The following MALRD1 variants were observed in gnomAD, a reference collection of about 807,000 sequenced individuals.
The protein encoded by MALRD1 is MAM and LDL-receptor class A domain-containing protein 1.
Under a neutral mutation model 242.1 loss-of-function variants are expected in MALRD1, and 247 were observed. That is an observed-to-expected ratio of 1.02 (90% CI 0.92 to 1.13). The LOEUF is 1.13. MALRD1 is among the 50% of genes most tolerant of loss of function. MALRD1 has a pLI of 0.00. For synonymous variants in MALRD1, 995 were observed against 866.6 expected (o/e 1.15, Z -2.60); for missense variants, 2,989 against 2,533.1 (o/e 1.18, Z -3.86).
At chr10:19,524,939 T>G (rs1297536782) in intron 31 of MALRD1, among the ~76,000 whole-genome samples, 4 of 152,016 alleles carry the variant, frequency 2.6e-5, no homozygotes, top group Non-Finnish European at 1.5e-5. Context: ...GTTTTGCTCT[T>G]GTTATCCAGG....
rs948421466 is a variant in MALRD1, at chr10:19,685,213, C to A, written c.6138-7069C>A. ...ATTCATGAAGCAATTTTTTCATGCT[C>A]TCTTTAAGAACTTTTCTTTATCTTT... On this transcript the variant is annotated intron_variant, in intron 36 of 39. Coordinates refer to ENST00000454679, the MANE Select transcript of MALRD1 (RefSeq NM_001142308.3). 1.6e-4 allele frequency among the ~76,000 whole-genome samples: 25 copies of A among 152,226 alleles called. 1 individual carries two copies. Among genetic ancestry groups the A allele is most frequent in the African/African-American group, 5.5e-4 (23 of 41,546 alleles).
intron 28 of MALRD1, among the ~76,000 whole-genome samples, chr10:19,433,397 G>C (rs2261305): frequency 0.51 from 77,063 of 152,020 alleles, 21,014 homozygotes; most frequent in Non-Finnish European, 0.61. Flanking sequence ...GAAAGGGAAT[G>C]TGTGACTGGA....
At chr10:19,148,786 A>ATATATATATATATATATATATATATATAT (rs1220802758) in intron 11 of MALRD1, among the ~76,000 whole-genome samples, 3 of 68,190 alleles carry the variant, frequency 4.4e-5, no homozygotes, top group Non-Finnish European at 1.1e-4. Context: ...AAAAAAAAAA[A>ATATATATATATATATATATATATATATAT]AAATATATAT....
chr10:19,234,076 A>C (rs934014420), intron 18 of MALRD1, among the ~76,000 whole-genome samples: 1 of 152,100 alleles, frequency 6.6e-6, no homozygotes, highest in Non-Finnish European at 1.5e-5. Flanking sequence ...AAATAGTATC[A>C]AGACAGGAGT....
At chr10:19,720,690 T>A (rs1327643261) in intron 38 of MALRD1, among the ~76,000 whole-genome samples, 4 of 152,176 alleles carry the variant, frequency 2.6e-5, no homozygotes, top group Non-Finnish European at 4.4e-5. Flanking sequence ...TTGTTTTATG[T>A]TCTTTTACTG....
At chr10:19,378,118 T>C (rs983282500) in intron 26 of MALRD1, among the ~76,000 whole-genome samples, 3 of 152,288 alleles carry the variant, frequency 2.0e-5, no homozygotes, top group Non-Finnish European at 2.9e-5. Flanking sequence ...TACTCTAAAC[T>C]TGACACTTCT....
intron 38 of MALRD1, among the ~76,000 whole-genome samples, chr10:19,728,770 A>T (rs2131933896): frequency 6.6e-6 from 1 of 152,286 alleles, no homozygotes; most frequent in Middle Eastern, 3.4e-3. Context: ...ATGCATTTCA[A>T]AACTACACTT....
intron 28 of MALRD1, among the ~76,000 whole-genome samples, chr10:19,431,440 A>C (rs1326944257): frequency 6.6e-6 from 1 of 152,182 alleles, no homozygotes; most frequent in African/African-American, 2.4e-5. Context: ...CAATTTATTC[A>C]AGCAGAAAAT....
chr10:19,333,442 C>T (rs1378864080), intron 24 of MALRD1, among the ~76,000 whole-genome samples: 3 of 152,122 alleles, frequency 2.0e-5, no homozygotes, highest in Admixed American at 2.0e-4. Context: ...ATTATGGCCT[C>T]CACCTGTGTC....
intron 2 of MALRD1, among the ~76,000 whole-genome samples, chr10:19,067,790 G>T (rs1368764865): frequency 6.6e-6 from 1 of 152,046 alleles, no homozygotes; most frequent in Non-Finnish European, 1.5e-5. Context: ...TGTTGATGGA[G>T]CTTATAGAAA....
chr10:19,312,610 T>C (rs560563234), intron 21 of MALRD1, among the ~76,000 whole-genome samples: 6 of 151,270 alleles, frequency 4.0e-5, no homozygotes, highest in African/African-American at 1.2e-4. Context: ...CAGACCCTGA[T>C]AATATTGAAG....
chr10:19,373,218 A>T (rs1482415828), intron 26 of MALRD1, among the ~76,000 whole-genome samples: 7 of 141,668 alleles, frequency 4.9e-5, no homozygotes, highest in Non-Finnish European at 9.2e-5. Context: ...AAAAAAAAAA[A>T]AATAAGGGGC....
chr10:19,732,641 G>T (rs947172120), intron 39 of MALRD1, among the ~76,000 whole-genome samples: 7 of 152,234 alleles, frequency 4.6e-5, no homozygotes, highest in Non-Finnish European at 1.0e-4. Context: ...AGGAATTAAA[G>T]TGAGATCTTT....
chr10:19,454,419 T>TATATATATATATATAG (rs1461259582), intron 29 of MALRD1, among the ~76,000 whole-genome samples: 1 of 139,582 alleles, frequency 7.2e-6, no homozygotes, highest in Non-Finnish European at 1.5e-5. Flanking sequence ...TATATATATA[T>TATATATATATATATAG]ATATATATAT....
intron 5 of MALRD1, among the ~76,000 whole-genome samples, chr10:19,115,425 A>G (rs1836837269): frequency 6.6e-6 from 1 of 152,114 alleles, no homozygotes; most frequent in Non-Finnish European, 1.5e-5. Flanking sequence ...GTTAAAATAA[A>G]AGCTTTTTTT....
At chr10:19,542,124 G>T (rs2131378810) in intron 32 of MALRD1, among the ~76,000 whole-genome samples, 1 of 152,224 alleles carries the variant, frequency 6.6e-6, no homozygotes, top group East Asian at 1.9e-4. Flanking sequence ...TAAGACAGAG[G>T]CATGGGAATT....
At chr10:19,589,637 A>C (rs1011350919) in intron 33 of MALRD1, among the ~76,000 whole-genome samples, 2 of 152,038 alleles carry the variant, frequency 1.3e-5, no homozygotes, top group African/African-American at 4.8e-5. Flanking sequence ...TAACATAAAG[A>C]AACAAACAAC....
intron 31 of MALRD1, among the ~76,000 whole-genome samples, chr10:19,521,196 C>T (rs1305760699): frequency 6.6e-6 from 1 of 152,060 alleles, no homozygotes; most frequent in Non-Finnish European, 1.5e-5. Context: ...ACCGTAATTT[C>T]TCTAAAAAGA....
Position 19,708,882 on chromosome 10 carries a change from G to A in MALRD1, c.6314+16328G>A, listed in dbSNP as rs1477552021. Among the ~76,000 whole-genome samples the A allele has an allele frequency of 7.5e-5, 9 of 120,508 alleles. 3 individuals are homozygous for A. Among genetic ancestry groups the A allele is most frequent in the Non-Finnish European group, 1.3e-4 (7 of 52,494 alleles). The allele number at this position is 120,508 out of a possible 152,430, so 79.1% of individuals were successfully genotyped here. A position where few individuals can be genotyped will look rare whatever the true frequency, so the allele number is the denominator to read the frequency against. On this transcript the variant is annotated intron_variant, in intron 38 of 39. Coordinates refer to ENST00000454679, the MANE Select transcript of MALRD1 (RefSeq NM_001142308.3). The stretch of plus-strand genomic sequence containing the variant: ...TAACCATGTTGGCCAAGATGGTCTT[G>A]GAACTCCTGACTTCAGGTGATCTGC...
Sources: gnomAD v4.1 joint callset for allele counts (sites outside exome capture counted in the v4.1 genomes callset) on GRCh38, gnomAD v4.1.1 for gene constraint, MANE v1.5 for transcripts, NCBI Gene and HGNC (gene_info 2026-07-23, HGNC 2026-07-21) for gene names.